CNTN4: variants seen among roughly 807,000 people sequenced by gnomAD.
CNTN4 encodes contactin-4.
A neutral mutation model predicts 122.5 loss-of-function variants in CNTN4; 77 were observed. The observed-to-expected ratio is 0.63, with a 90% CI of 0.52 to 0.76. The LOEUF is 0.76. Among genes scored for constraint, CNTN4 ranks in the 30% least tolerant of loss-of-function variants. CNTN4 has a pLI of 0.00. For synonymous variants in CNTN4, 512 were observed against 447.0 expected (o/e 1.15, Z -1.83); for missense variants, 1,256 against 1,259.1 (o/e 1.00, Z 0.04).
At chr3:3,003,705 A>AAAAAAAAAAC (rs1553722333) in intron 14 of CNTN4, among the ~76,000 whole-genome samples, 2 of 137,240 alleles carry the variant, frequency 1.5e-5, no homozygotes, top group African/African-American at 2.7e-5. Context: ...AAAAAAAAAA[A>AAAAAAAAAAC]AAAAAAAAAC....
chr3:2,683,159 A>G (rs2085251841), intron 4 of CNTN4, among the ~76,000 whole-genome samples: 1 of 152,186 alleles, frequency 6.6e-6, no homozygotes, highest in Non-Finnish European at 1.5e-5. Context: ...ATGGAATAGA[A>G]AGACGATGCT....
intron 2 of CNTN4, among the ~76,000 whole-genome samples, chr3:2,335,317 A>G (rs1360471820): frequency 1.6e-5 from 1 of 61,624 alleles, no homozygotes; most frequent in Non-Finnish European, 3.9e-5. Context: ...AATGATTATA[A>G]TGATAGCATT....
intron 3 of CNTN4, among the ~76,000 whole-genome samples, chr3:2,449,547 G>A (rs1016682974): frequency 1.3e-5 from 2 of 151,392 alleles, no homozygotes; most frequent in African/African-American, 2.4e-5. Context: ...CCCAGGAGGC[G>A]GAGGTTGCAG....
intron 6 of CNTN4, among the ~76,000 whole-genome samples, chr3:2,782,842 G>A (rs1199355396): frequency 6.6e-6 from 1 of 152,190 alleles, no homozygotes; most frequent in Non-Finnish European, 1.5e-5. Context: ...TGTTTATGAA[G>A]TGCTTTCAAG....
chr3:2,103,039 T>C (rs2032119809), intron 2 of CNTN4, among the ~76,000 whole-genome samples: 1 of 152,096 alleles, frequency 6.6e-6, no homozygotes, highest in Non-Finnish European at 1.5e-5. Flanking sequence ...TTGCCCTACT[T>C]TGCCCTTCTA....
chr3:2,210,706 A>G (rs144288259), intron 2 of CNTN4, among the ~76,000 whole-genome samples: 23 of 152,266 alleles, frequency 1.5e-4, no homozygotes, highest in African/African-American at 4.1e-4. Context: ...ACTCTTCTCT[A>G]TGGTAAGACT....
intron 2 of CNTN4, among the ~76,000 whole-genome samples, chr3:2,225,119 C>T (rs1369820239): frequency 1.3e-5 from 2 of 151,118 alleles, no homozygotes; most frequent in Admixed American, 6.6e-5. Flanking sequence ...CCACTGCACT[C>T]CAGCCTGGGC....
At chr3:2,863,119 T>G (rs1216898653) in intron 7 of CNTN4, among the ~76,000 whole-genome samples, 1 of 152,222 alleles carries the variant, frequency 6.6e-6, no homozygotes, top group African/African-American at 2.4e-5. Flanking sequence ...TTTGCCTGCT[T>G]TGATGTCTAC....
At chr3:2,427,460 T>C (rs1230562603) in intron 3 of CNTN4, among the ~76,000 whole-genome samples, 1 of 152,190 alleles carries the variant, frequency 6.6e-6, no homozygotes, top group African/African-American at 2.4e-5. Flanking sequence ...TTCCTGTTCT[T>C]TTACATTTGC....
intron 2 of CNTN4, among the ~76,000 whole-genome samples, chr3:2,128,549 C>T (rs991421828): frequency 7.9e-5 from 12 of 152,050 alleles, no homozygotes; most frequent in Non-Finnish European, 1.5e-4. Context: ...GAGGTGATCA[C>T]AATCTGAAGA....
At chr3:2,202,260 C>T (rs2038134407) in intron 2 of CNTN4, among the ~76,000 whole-genome samples, 1 of 152,024 alleles carries the variant, frequency 6.6e-6, no homozygotes, top group Non-Finnish European at 1.5e-5. Context: ...TTCAAGGTTC[C>T]CTATCTTTAA....
intron 4 of CNTN4, among the ~76,000 whole-genome samples, chr3:2,582,657 A>G (rs1324833856): frequency 2.0e-5 from 3 of 152,164 alleles, no homozygotes; most frequent in Admixed American, 1.3e-4. Flanking sequence ...GAGACTTAAG[A>G]CTTCTAGAGG....
intron 6 of CNTN4, among the ~76,000 whole-genome samples, chr3:2,750,223 C>G (rs2090023888): frequency 6.6e-6 from 1 of 152,188 alleles, no homozygotes; most frequent in African/African-American, 2.4e-5. Context: ...TAGATTTACT[C>G]TAATTTATGA....
At chr3:2,594,323 A>G (rs531684096) in intron 4 of CNTN4, among the ~76,000 whole-genome samples, 1 of 152,330 alleles carries the variant, frequency 6.6e-6, no homozygotes, top group South Asian at 2.1e-4. Flanking sequence ...TTCCATGAAA[A>G]CATAAAAATT....
chr3:2,613,951 G>T (rs180847437), intron 4 of CNTN4, among the ~76,000 whole-genome samples: 2 of 152,124 alleles, frequency 1.3e-5, no homozygotes, highest in Non-Finnish European at 2.9e-5. Flanking sequence ...TGTGCTGACC[G>T]CTGTTCTAAC....
chr3:2,268,236 G>A (rs921435074), intron 2 of CNTN4, among the ~76,000 whole-genome samples: 26 of 152,050 alleles, frequency 1.7e-4, no homozygotes, highest in Admixed American at 2.6e-4. Context: ...TGAGGGAGGG[G>A]TTCCCTTTCT....
At chr3:3,024,562 A>G (rs1268811410) in intron 14 of CNTN4, among the ~76,000 whole-genome samples, 1 of 152,024 alleles carries the variant, frequency 6.6e-6, no homozygotes, top group African/African-American at 2.4e-5. Context: ...CATTTCATGG[A>G]CATCACTCAT....
chr3:2,592,669 C>T (rs1219435235), intron 4 of CNTN4, among the ~76,000 whole-genome samples: 1 of 152,154 alleles, frequency 6.6e-6, no homozygotes, highest in Non-Finnish European at 1.5e-5. Context: ...TGAGGCCTCC[C>T]CAGACACGTA....
rs1259945112 is a variant in CNTN4 at position 3,043,635 on chromosome 3, C to T, written c.2742C>T (p.Asp914=). ...GAAACATCATATGGAATTCATCAGA[C>T]TCCAAAATTATCCTGAATTGGGATC... is the stretch of plus-strand genomic sequence containing the variant. ...PPGNIIWNSS[D]SKIILNWDQV... Residue 914 remains aspartate, a synonymous_variant, in exon 23 of 25, where the codon GAC becomes GAT. Coordinates refer to ENST00000418658, the MANE Select transcript of CNTN4 (RefSeq NM_175607.3). 1.2e-6 allele frequency: 2 copies of T among 1,614,072 alleles called. No homozygotes were observed. The highest frequency in any genetic ancestry group is 4.5e-5 in the East Asian group (2 of 44,882).
Sources: allele counts gnomAD v4.1 joint callset (sites outside exome capture counted in the v4.1 genomes callset), GRCh38; gene constraint gnomAD v4.1.1; transcripts MANE v1.5; gene names NCBI Gene and HGNC (gene_info 2026-07-23, HGNC 2026-07-21).